DYM: variants seen among roughly 807,000 people sequenced by gnomAD.
The protein encoded by DYM is dyggve-Melchior-Clausen syndrome protein.
In DYM, 78 loss-of-function variants were observed where a neutral mutation model predicts 93.1. The ratio of observed to expected loss-of-function variants is 0.84; its 90% CI spans 0.70 to 1.01. DYM has a LOEUF of 1.01. DYM is among the 50% of genes least tolerant of loss of function. The pLI, the probability that DYM is intolerant of heterozygous loss-of-function variation, is 0.00. For synonymous variants in DYM, 321 were observed against 319.7 expected, an observed-to-expected ratio of 1.00 and a Z score of -0.04; for missense variants, 789 against 845.0, an observed-to-expected ratio of 0.93 and a Z score of 0.82.
chr18:49,129,715 C>T (rs1381663689), intron 15 of DYM, among the ~76,000 whole-genome samples: 1 of 152,172 alleles, frequency 6.6e-6, no homozygotes, highest in Non-Finnish European at 1.5e-5. Context: ...GGCCCCTCTA[C>T]CACTGCTCAA....
chr18:49,142,825 C>T (rs1407358568), intron 15 of DYM, among the ~76,000 whole-genome samples: 1 of 152,162 alleles, frequency 6.6e-6, no homozygotes, highest in Non-Finnish European at 1.5e-5. Context: ...AACTTATCAT[C>T]CCCCTAATAG....
chr18:49,125,011 G>T (rs191144401), intron 15 of DYM, among the ~76,000 whole-genome samples: 1 of 152,342 alleles, frequency 6.6e-6, no homozygotes, highest in East Asian at 1.9e-4. Context: ...TGTAATCCCA[G>T]CACTTTGGGA....
Position 49,300,070 on chromosome 18 carries a change from A to T in DYM, c.764-13454T>A, listed in dbSNP as rs1245859803. ...AAAAAAAAAAAAAGCTATATATATA[A>T]ATATATATATATATAAATATATATA... is the stretch of plus-strand genomic sequence containing the variant. On this transcript the variant is annotated intron_variant, in intron 8 of 17. Coordinates refer to ENST00000675505, the MANE Select transcript of DYM (RefSeq NM_001353214.3). Among the ~76,000 whole-genome samples, 5 of 141,658 alleles carry T rather than the reference A, an allele frequency of 3.5e-5. No individual in the cohort carries two copies. The South Asian group carries it at 7.5e-4, about 21-fold the overall frequency. The allele number at this position is 141,658 out of a possible 152,430, so 92.9% of individuals were successfully genotyped here.
intron 15 of DYM, among the ~76,000 whole-genome samples, chr18:49,162,730 C>G (rs944099683): frequency 2.7e-4 from 41 of 152,308 alleles, no homozygotes; most frequent in African/African-American, 9.9e-4. Flanking sequence ...AGACTGGAGT[C>G]ACACCCTGAT....
At chr18:49,416,040 C>T (rs1478545625) in intron 2 of DYM, among the ~76,000 whole-genome samples, 1 of 152,052 alleles carries the variant, frequency 6.6e-6, no homozygotes, top group Non-Finnish European at 1.5e-5. Context: ...AGGCACAGGA[C>T]TTTCAATCAT....
rs899946653 is a variant in DYM, at chr18:49,219,146, G to T, written c.1461-9431C>A. Among the ~76,000 whole-genome samples the T allele has an allele frequency of 1.3e-3, 203 of 152,242 alleles. 1 individual carries two copies. Among genetic ancestry groups the T allele is most frequent in the African/African-American group, 4.5e-3 (188 of 41,546 alleles). ...CAAACACCTCTACGCAAATAAACTA[G>T]AAAATCTAGAAGAAATGGATAAATT... On this transcript the variant is annotated intron_variant, in intron 13 of 17. Coordinates refer to ENST00000675505, the MANE Select transcript of DYM (RefSeq NM_001353214.3).
intron 8 of DYM, among the ~76,000 whole-genome samples, chr18:49,324,504 C>T (rs1283443231): frequency 6.6e-6 from 1 of 152,156 alleles, no homozygotes; most frequent in Non-Finnish European, 1.5e-5. Context: ...GTTTAACAAT[C>T]AAATTTTCCT....
At chr18:49,068,267 C>T (rs1454092278) in intron 17 of DYM, among the ~76,000 whole-genome samples, 1 of 152,130 alleles carries the variant, frequency 6.6e-6, no homozygotes, top group Non-Finnish European at 1.5e-5. Flanking sequence ...AGCCTGGTGA[C>T]CTTGGATGAG....
chr18:49,427,318 GAC>G (rs2074383190), intron 2 of DYM, among the ~76,000 whole-genome samples: 1 of 152,100 alleles, frequency 6.6e-6, no homozygotes, highest in Non-Finnish European at 1.5e-5. Context: ...CAGAAAAACT[GAC>G]ACAATTTGTT....
chr18:49,075,189 T>C lies in DYM; in HGVS notation c.2025+22213A>G, dbSNP rs1020364073. On this transcript the variant is annotated intron_variant, in intron 17 of 17. Coordinates refer to ENST00000675505, the MANE Select transcript of DYM (RefSeq NM_001353214.3). The stretch of plus-strand genomic sequence containing the variant: ...CCCTAAGGACCTCAAGTACTTATGA[T>C]GATGAGAAGCCAGGGACATTCCCTC... Among the ~76,000 whole-genome samples the C allele has an allele frequency of 5.3e-5, 8 of 152,172 alleles. No individual in the cohort carries two copies. In the East Asian group the frequency reaches 9.6e-4, roughly 18 times the overall value.
At chr18:49,214,316 C>T (rs1192974304) in intron 13 of DYM, among the ~76,000 whole-genome samples, 1 of 152,198 alleles carries the variant, frequency 6.6e-6, no homozygotes, top group African/African-American at 2.4e-5. Flanking sequence ...ATTAGATTCT[C>T]ATAGGAAGAC....
chr18:49,236,545 T>C (rs1398125047), intron 13 of DYM, among the ~76,000 whole-genome samples: 1 of 152,084 alleles, frequency 6.6e-6, no homozygotes, highest in Non-Finnish European at 1.5e-5. Flanking sequence ...TTCAGAACTA[T>C]TTGAATTTGA....
intron 8 of DYM, among the ~76,000 whole-genome samples, chr18:49,319,056 C>T (rs1051524166): frequency 2.4e-4 from 37 of 152,034 alleles, no homozygotes; most frequent in African/African-American, 8.2e-4. Flanking sequence ...CCACCCACCT[C>T]GGCCTCCCAA....
At chr18:49,241,232 C>T (rs1568084117) in intron 13 of DYM, among the ~76,000 whole-genome samples, 1 of 152,216 alleles carries the variant, frequency 6.6e-6, no homozygotes, top group Admixed American at 6.5e-5. Context: ...AACTGAGAAT[C>T]TGAGTGCAGG....
In DYM at chr18:49,460,364, C is replaced by G. The variant is rs60901553; in HGVS notation, c.-54+34G>C. 0.18 allele frequency: 27,202 copies of G among 152,176 alleles called. 2,945 individuals are homozygous for G. Among genetic ancestry groups the G allele is most frequent in the East Asian group, 0.49 (2,509 of 5,116 alleles). 9.4% of individuals were successfully genotyped at this position (152,176 alleles called of 1,614,324 possible). On this transcript the variant is annotated intron_variant, in intron 1 of 17. Transcript: ENST00000675505. Reference sequence around the variant, plus strand: ...CCGGGGACAGCCAGGCTTTCGGGCCCGGCCGCGCTGAGGGGGGCGGCGCTA... The same window carrying G: ...CCGGGGACAGCCAGGCTTTCGGGCCGGGCCGCGCTGAGGGGGGCGGCGCTA...
intron 6 of DYM, among the ~76,000 whole-genome samples, chr18:49,342,080 AAAG>A (rs1389725120): frequency 6.6e-6 from 1 of 152,182 alleles, no homozygotes; most frequent in African/African-American, 2.4e-5. Flanking sequence ...TGGAGGCTCT[AAAG>A]AAGAATTCAT....
chr18:49,166,331 G>C (rs893512318), intron 14 of DYM, among the ~76,000 whole-genome samples: 1 of 152,062 alleles, frequency 6.6e-6, no homozygotes, highest in Non-Finnish European at 1.5e-5. Context: ...AAACACATGA[G>C]TGTTTACTGT....
At chr18:49,240,368 TTAAA>T (rs2093982288) in intron 13 of DYM, among the ~76,000 whole-genome samples, 1 of 152,132 alleles carries the variant, frequency 6.6e-6, no homozygotes, top group African/African-American at 2.4e-5. Flanking sequence ...TGAGAAAATA[TTAAA>T]TATTTACTAA....
rs760061813 is a variant in DYM at position 49,282,224 on chromosome 18, T to C, written c.947-49A>G. 5 of 1,485,402 alleles carry C rather than the reference T, an allele frequency of 3.4e-6. No homozygotes were observed. The South Asian group carries it at 5.7e-5, about 17-fold the overall frequency. 92.0% of individuals were successfully genotyped at this position (1,485,402 alleles called of 1,614,324 possible). On this transcript the variant is annotated intron_variant, in intron 9 of 17. Coordinates refer to ENST00000675505, the MANE Select transcript of DYM (RefSeq NM_001353214.3). ...CAGTAATTTCTAGCTGTGCTTTATA[T>C]AAATAAAAATATTGTTAAAGTAATG...
Sources: allele counts gnomAD v4.1 joint callset (sites outside exome capture counted in the v4.1 genomes callset), GRCh38; gene constraint gnomAD v4.1.1; transcripts MANE v1.5; gene names NCBI Gene and HGNC (gene_info 2026-07-23, HGNC 2026-07-21).